SORCS2: variants seen among roughly 807,000 people sequenced by gnomAD.
SORCS2 encodes the protein sortilin related VPS10 domain containing receptor 2.
SORCS2 carries 100 observed loss-of-function variants against 141.6 expected under a neutral mutation model. The observed-to-expected ratio is 0.71, with a 90% CI of 0.60 to 0.83. The LOEUF (loss-of-function observed/expected upper bound fraction) is 0.83, where lower values mean the gene tolerates loss of function less well. Among genes scored for constraint, SORCS2 ranks in the 40% least tolerant of loss-of-function variants. The pLI, the probability that SORCS2 is intolerant of heterozygous loss-of-function variation, is 0.00. For synonymous variants in SORCS2, 789 were observed against 676.9 expected (o/e 1.17, Z -2.57); for missense variants, 1,646 against 1,560.2 (o/e 1.05, Z -0.93).
intron 3 of SORCS2, among the ~76,000 whole-genome samples, chr4:7,555,493 A>G (rs1349354462): frequency 6.6e-6 from 1 of 152,250 alleles, no homozygotes; most frequent in African/African-American, 2.4e-5. Flanking sequence ...GTGGTGCCTC[A>G]GCTCATCTCT....
chr4:7,403,995 ATATTTTTTTTTTT>A (rs1368821082), intron 2 of SORCS2, among the ~76,000 whole-genome samples: 8 of 9,558 alleles, frequency 8.4e-4, no homozygotes, highest in South Asian at 4.4e-3. Context: ...ATATATATAT[ATATTTTTTTTTTT>A]TTTTTAGTAT....
At chr4:7,555,349 A>G (rs778714235) in intron 3 of SORCS2, among the ~76,000 whole-genome samples, 3 of 152,326 alleles carry the variant, frequency 2.0e-5, no homozygotes, top group Middle Eastern at 3.4e-3. Context: ...GGCAGGGGCC[A>G]TTTCCAAAGA....
chr4:7,724,504 GTGGTGGTGA>G (rs1340038225), intron 19 of SORCS2, among the ~76,000 whole-genome samples: 1 of 127,950 alleles, frequency 7.8e-6, no homozygotes, highest in Non-Finnish European at 1.6e-5. Context: ...GGTGACAATG[GTGGTGGTGA>G]TGGTGGTGAT....
chr4:7,697,325 C>T (rs900710171), intron 12 of SORCS2, 51 bp downstream of exon 12: 2 of 1,437,152 alleles, frequency 1.4e-6, no homozygotes, highest in Non-Finnish European at 1.9e-6. Context: ...CAGCCGGGAC[C>T]CTCAGGAGAC....
intron 1 of SORCS2, among the ~76,000 whole-genome samples, chr4:7,304,818 T>C (rs1211985284): frequency 6.6e-6 from 1 of 152,228 alleles, no homozygotes; most frequent in Admixed American, 6.5e-5. Flanking sequence ...CCCCATTCAT[T>C]GCTTCCTGCT....
chr4:7,688,593 A>G (rs1477366040), intron 10 of SORCS2, among the ~76,000 whole-genome samples: 2 of 152,134 alleles, frequency 1.3e-5, no homozygotes, highest in African/African-American at 4.8e-5. Context: ...GAGGCTAAGC[A>G]TTTTTCATAA....
chr4:7,722,899 T>A (rs1002587056), intron 18 of SORCS2, among the ~76,000 whole-genome samples: 3 of 152,040 alleles, frequency 2.0e-5, no homozygotes, highest in Admixed American at 6.5e-5. Context: ...TCCTCCATCA[T>A]CACTAGGAAA....
At chr4:7,255,124 C>A (rs1231288532) in intron 1 of SORCS2, among the ~76,000 whole-genome samples, 1 of 151,962 alleles carries the variant, frequency 6.6e-6, no homozygotes, top group African/African-American at 2.4e-5. Context: ...TTTCAGGCTT[C>A]CATTCACCCA....
chr4:7,584,157 T>G (rs766132690), intron 3 of SORCS2, among the ~76,000 whole-genome samples: 1 of 152,232 alleles, frequency 6.6e-6, no homozygotes, highest in Non-Finnish European at 1.5e-5. Context: ...GCATAGCAGG[T>G]GTTCCATAAA....
intron 3 of SORCS2, among the ~76,000 whole-genome samples, chr4:7,560,916 T>A (rs1445087219): frequency 6.6e-6 from 1 of 152,100 alleles, no homozygotes; most frequent in East Asian, 1.9e-4. Flanking sequence ...GGAAATCAGG[T>A]TTGCCAAGCG....
intron 1 of SORCS2, among the ~76,000 whole-genome samples, chr4:7,213,483 C>T (rs973005089): frequency 8.5e-5 from 13 of 152,314 alleles, no homozygotes; most frequent in African/African-American, 2.2e-4. Flanking sequence ...TGGTGGTTGT[C>T]GTAGCCTTGG....
intron 1 of SORCS2, among the ~76,000 whole-genome samples, chr4:7,301,064 G>A (rs1408847884): frequency 2.0e-5 from 3 of 152,092 alleles, no homozygotes; most frequent in Non-Finnish European, 2.9e-5. Context: ...CAGCATCTCC[G>A]TGGGCCCCAT....
chr4:7,543,920 C>CCATCCATCCATT (rs1713004957), intron 3 of SORCS2, among the ~76,000 whole-genome samples: 1 of 107,152 alleles, frequency 9.3e-6, no homozygotes, highest in Non-Finnish European at 2.0e-5. Context: ...ATCCACCCAT[C>CCATCCATCCATT]CACCCATCCA....
intron 7 of SORCS2, among the ~76,000 whole-genome samples, chr4:7,665,922 A>G (rs1320187686): frequency 1.3e-5 from 2 of 152,166 alleles, no homozygotes; most frequent in Non-Finnish European, 2.9e-5. Context: ...CAGTGCAGCA[A>G]GAGGGAACAC....
intron 2 of SORCS2, among the ~76,000 whole-genome samples, chr4:7,412,052 T>C (rs1577517890): frequency 6.6e-6 from 1 of 152,200 alleles, no homozygotes; most frequent in East Asian, 1.9e-4. Context: ...TCTGTAATCC[T>C]AGGCTGTGTG....
At chr4:7,691,570 C>A (rs546368006) in intron 11 of SORCS2, among the ~76,000 whole-genome samples, 96 of 152,210 alleles carry the variant, frequency 6.3e-4, no homozygotes, top group South Asian at 2.1e-3. Flanking sequence ...TGCCCGGGGT[C>A]CTAGGCAGTG....
At chr4:7,470,684 G>A (rs16840313) in intron 2 of SORCS2, among the ~76,000 whole-genome samples, 12,075 of 152,244 alleles carry the variant, frequency 0.079, 784 homozygotes, top group East Asian at 0.27. Flanking sequence ...GACAGGGCTC[G>A]GAGGAAAAAC....
At chr4:7,206,186 G>A (rs1235209136) in intron 1 of SORCS2, among the ~76,000 whole-genome samples, 1 of 152,188 alleles carries the variant, frequency 6.6e-6, no homozygotes, top group Non-Finnish European at 1.5e-5. Context: ...CCTCTGCCCT[G>A]CCCCAGTGTC....
intron 8 of SORCS2, among the ~76,000 whole-genome samples, chr4:7,672,723 G>A (rs1055372342): frequency 1.3e-5 from 2 of 152,030 alleles, no homozygotes; most frequent in Admixed American, 1.3e-4. Flanking sequence ...CTGCCCCTTC[G>A]TCTTAGTTCA....
Sources: gnomAD v4.1 joint callset for allele counts (sites outside exome capture counted in the v4.1 genomes callset) on GRCh38, gnomAD v4.1.1 for gene constraint, MANE v1.5 for transcripts, NCBI Gene and HGNC (gene_info 2026-07-23, HGNC 2026-07-21) for gene names.